KALRN: variants seen among roughly 807,000 people sequenced by gnomAD.
The protein encoded by KALRN is kalirin.
Under a neutral mutation model 353.7 loss-of-function variants are expected in KALRN, and 70 were observed. The observed-to-expected ratio is 0.20, with a 90% confidence interval of 0.16 to 0.24. The LOEUF (loss-of-function observed/expected upper bound fraction) is 0.24. Among genes scored for constraint, KALRN ranks in the 10% least tolerant of loss-of-function variants. The pLI is 1.00. For missense variants in KALRN, 2,791 were observed against 3,756.7 expected, an observed-to-expected ratio of 0.74 and a Z score of 6.72; for synonymous variants, 1,391 against 1,434.8, an observed-to-expected ratio of 0.97 and a Z score of 0.69.
chr3:124,459,723 A>G (rs2059669591), intron 23 of KALRN, among the ~76,000 whole-genome samples: 2 of 152,200 alleles, frequency 1.3e-5, no homozygotes, highest in African/African-American at 4.8e-5. Flanking sequence ...GAATATTTTG[A>G]CACTCTGTTT....
At chr3:124,430,558 A>T in intron 15 of KALRN, 98 bp from the exon 16 acceptor site, 1 of 1,418,150 alleles carries the variant, frequency 7.1e-7, no homozygotes, top group Non-Finnish European at 9.7e-7. Flanking sequence ...AAGATAAAAG[A>T]TAGTGAGCTC....
chr3:124,542,606 C>A (rs1317573808), intron 33 of KALRN, among the ~76,000 whole-genome samples: 3 of 152,146 alleles, frequency 2.0e-5, no homozygotes, highest in Non-Finnish European at 4.4e-5. Context: ...GGTTGTTACC[C>A]TTTACACATA....
At chr3:124,601,728 C>T (rs1208086117) in intron 34 of KALRN, among the ~76,000 whole-genome samples, 6 of 152,212 alleles carry the variant, frequency 3.9e-5, no homozygotes, top group South Asian at 2.1e-4. Flanking sequence ...CTGCCTTTTA[C>T]GGCTCAGAAA....
At chr3:124,592,309 CAAAAAAAA>C (rs10575664) in intron 34 of KALRN, among the ~76,000 whole-genome samples, 6 of 120,648 alleles carry the variant, frequency 5.0e-5, no homozygotes, top group African/African-American at 1.9e-4. Flanking sequence ...CTCAAAGAAA[CAAAAAAAA>C]AAAAAAAAAA....
chr3:124,599,855 C>T (rs1374943902), intron 34 of KALRN, among the ~76,000 whole-genome samples: 1 of 152,196 alleles, frequency 6.6e-6, no homozygotes, highest in East Asian at 1.9e-4. Context: ...ATTTAACTTA[C>T]AGCTTCACCA....
At chr3:124,506,440 A>C (rs1459914199) in intron 33 of KALRN, among the ~76,000 whole-genome samples, 1 of 152,220 alleles carries the variant, frequency 6.6e-6, no homozygotes, top group Non-Finnish European at 1.5e-5. Flanking sequence ...TGAGTCTTAC[A>C]TGTTCAGAAT....
chr3:124,300,740 G>GAA (rs1193611009), intron 6 of KALRN, among the ~76,000 whole-genome samples: 1 of 152,212 alleles, frequency 6.6e-6, no homozygotes, highest in East Asian at 1.9e-4. Context: ...GACTTGCATA[G>GAA]AAAGATCACT....
At chr3:124,252,099 C>G (rs2071252048) in intron 3 of KALRN, among the ~76,000 whole-genome samples, 1 of 152,148 alleles carries the variant, frequency 6.6e-6, no homozygotes. Context: ...GAGGAACTGA[C>G]AAGGAGTAGT....
At chr3:124,337,436 G>T (rs1239409256) in intron 9 of KALRN, among the ~76,000 whole-genome samples, 1 of 152,136 alleles carries the variant, frequency 6.6e-6, no homozygotes, top group Non-Finnish European at 1.5e-5. Flanking sequence ...TTTATGTGAT[G>T]GATTATGTTT....
intron 1 of KALRN, among the ~76,000 whole-genome samples, chr3:124,140,161 T>A (rs1336868239): frequency 6.6e-6 from 1 of 152,144 alleles, no homozygotes; most frequent in African/African-American, 2.4e-5. Flanking sequence ...TACCCAAATA[T>A]GGCCAATGAT....
intron 34 of KALRN, among the ~76,000 whole-genome samples, chr3:124,624,828 G>A (rs756180255): frequency 6.6e-6 from 1 of 152,316 alleles, no homozygotes. Context: ...TGCAGGCATT[G>A]GTCTTAGGAG....
rs542705727 is a variant in KALRN, at chr3:124,531,329, T to A, written c.4936-31514T>A. Among the ~76,000 whole-genome samples the A allele has an allele frequency of 9.8e-5, 15 of 152,336 alleles. No homozygotes were observed. The South Asian group carries it at 1.0e-3, about 11-fold the overall frequency. The stretch of plus-strand genomic sequence containing the variant: ...TACATTTGGACTCTAATATTTATAT[T>A]TTGGCTTTAACTCAAATAGATTTTC... On this transcript the variant is annotated intron_variant, in intron 33 of 59. Coordinates refer to ENST00000682506, the MANE Select transcript of KALRN (RefSeq NM_001388419.1).
At chr3:124,056,166 C>T (rs1357685575) in intron 1 of KALRN, among the ~76,000 whole-genome samples, 3 of 152,190 alleles carry the variant, frequency 2.0e-5, no homozygotes, top group African/African-American at 7.2e-5. Flanking sequence ...CAGCCCCTTG[C>T]CTTGCAGGTC....
rs1355828033 is a variant in KALRN at position 124,334,214 on chromosome 3, G to T, written c.1417-51G>T. On this transcript the variant is annotated intron_variant, in intron 8 of 59. Transcript: ENST00000682506. The surrounding 1 kb of genome is among the most constrained non-coding windows in gnomAD (Gnocchi z 4.2). ...GCAGACACTTCCTGCTTCTCTCTGT[G>T]CCCTGCCTATCACCCTTTTCCCTTA... The T allele has an allele frequency of 6.8e-7, 1 of 1,473,744 alleles. No homozygotes were observed. The highest frequency in any genetic ancestry group is 1.4e-5 in the African/African-American group (1 of 72,312). The allele number at this position is 1,473,744 out of a possible 1,614,324, so 91.3% of individuals were successfully genotyped here.
chr3:124,674,286 A>C, intron 48 of KALRN, 78 bp from the exon 49 acceptor site: 6 of 1,479,364 alleles, frequency 4.1e-6, no homozygotes, highest in Non-Finnish European at 5.5e-6. Flanking sequence ...GCCTTGAACC[A>C]CTGGGTAGGG....
intron 1 of KALRN, among the ~76,000 whole-genome samples, chr3:124,040,966 T>C (rs2149078191): frequency 6.6e-6 from 1 of 152,176 alleles, no homozygotes; most frequent in Middle Eastern, 3.4e-3. Context: ...GAAGGCTAGG[T>C]TTTGGGCCTT....
intron 1 of KALRN, among the ~76,000 whole-genome samples, chr3:124,121,106 A>AAG (rs2063976364): frequency 1.3e-5 from 2 of 151,320 alleles, no homozygotes; most frequent in Admixed American, 6.6e-5. Flanking sequence ...AAAAAAAAAA[A>AAG]AAAAAAAAGA....
At chr3:124,152,609 T>G (rs2068316743) in intron 1 of KALRN, 9 of 583,154 alleles carry the variant, frequency 1.5e-5, no homozygotes, top group African/African-American at 2.0e-5. Context: ...TTTTTTTTTT[T>G]TTGAGACAGA....
At chr3:124,460,274 G>C (rs2059717016) in intron 23 of KALRN, among the ~76,000 whole-genome samples, 1 of 152,206 alleles carries the variant, frequency 6.6e-6, no homozygotes, top group African/African-American at 2.4e-5. Flanking sequence ...GCCCATATCT[G>C]GGAGGGGGAT....
Sources: gnomAD v4.1 joint callset for allele counts (sites outside exome capture counted in the v4.1 genomes callset) on GRCh38, gnomAD v4.1.1 for gene constraint, Gnocchi (gnomAD v3.1) non-coding constraint, MANE v1.5 for transcripts, NCBI Gene and HGNC (gene_info 2026-07-23, HGNC 2026-07-21) for gene names.